Variants in NRXN3 observed in about 807,000 individuals in gnomAD.
NRXN3 encodes the protein neurexin III.
Under a neutral mutation model 137.6 loss-of-function variants are expected in NRXN3, and 32 were observed. The observed-to-expected ratio is 0.23, with a 90% CI of 0.18 to 0.31. NRXN3 has a LOEUF of 0.31. Ranked by LOEUF, NRXN3 falls within the 10% of genes least tolerant of loss-of-function variation. The pLI, the probability that NRXN3 is intolerant of heterozygous loss-of-function variation, is 1.00. For missense variants in NRXN3, 1,574 were observed against 2,062.5 expected (o/e 0.76, Z 4.59); for synonymous variants, 798 against 784.5 (o/e 1.02, Z -0.29).
chr14:79,604,981 G>A (rs891847191), intron 16 of NRXN3, among the ~76,000 whole-genome samples: 4 of 152,206 alleles, frequency 2.6e-5, no homozygotes, highest in African/African-American at 4.8e-5. Context: ...GCAGTGAGCC[G>A]AGATCAAGCC....
chr14:79,022,533 G>GA (rs933920220), intron 15 of NRXN3, among the ~76,000 whole-genome samples: 4 of 152,148 alleles, frequency 2.6e-5, no homozygotes, highest in Admixed American at 6.5e-5. Context: ...CACGAAGCCA[G>GA]AAAATCCATC....
chr14:78,712,379 A>C (rs1227357326), intron 7 of NRXN3, among the ~76,000 whole-genome samples: 2 of 152,212 alleles, frequency 1.3e-5, no homozygotes, highest in African/African-American at 4.8e-5. Flanking sequence ...GGTAGCCAGG[A>C]CATTATTGTT....
intron 9 of NRXN3, among the ~76,000 whole-genome samples, chr14:78,804,835 T>C (rs2098851502): frequency 6.6e-6 from 1 of 152,182 alleles, no homozygotes; most frequent in Admixed American, 6.5e-5. Context: ...TACCCAGCAT[T>C]GATAAGATTA....
chr14:79,473,148 T>C (rs1454902548), intron 16 of NRXN3, among the ~76,000 whole-genome samples: 8 of 152,088 alleles, frequency 5.3e-5, no homozygotes. Context: ...TACACGAGGA[T>C]GAGGGGCAGA....
chr14:79,216,735 TTG>T (rs1277534910), intron 15 of NRXN3, among the ~76,000 whole-genome samples: 2 of 152,214 alleles, frequency 1.3e-5, no homozygotes, highest in Non-Finnish European at 2.9e-5. Flanking sequence ...CTTTTTTCAT[TTG>T]TGTAGCTTAT....
At chr14:79,670,920 T>C (rs926465761) in intron 17 of NRXN3, among the ~76,000 whole-genome samples, 1 of 152,128 alleles carries the variant, frequency 6.6e-6, no homozygotes, top group Admixed American at 6.6e-5. Flanking sequence ...TCTTGCTTTC[T>C]CATCCTTCAT....
chr14:78,887,258 G>C (rs1470033137), intron 10 of NRXN3, among the ~76,000 whole-genome samples: 2 of 152,104 alleles, frequency 1.3e-5, no homozygotes, highest in African/African-American at 4.8e-5. Flanking sequence ...GACATGTTAG[G>C]AAAAGGCAGA....
At chr14:78,278,896 A>C (rs1318698132) in intron 3 of NRXN3, among the ~76,000 whole-genome samples, 1 of 152,248 alleles carries the variant, frequency 6.6e-6, no homozygotes, top group Non-Finnish European at 1.5e-5. Flanking sequence ...CTTCCTTCTC[A>C]TTAGTATTTC....
At chr14:79,308,417 C>A (rs1182089931) in intron 15 of NRXN3, among the ~76,000 whole-genome samples, 1 of 152,018 alleles carries the variant, frequency 6.6e-6, no homozygotes, top group African/African-American at 2.4e-5. Flanking sequence ...GGATGCTATA[C>A]CTGAAGGTCT....
chr14:79,380,323 ATC>A (rs2094434066), intron 15 of NRXN3, among the ~76,000 whole-genome samples: 1 of 151,672 alleles, frequency 6.6e-6, no homozygotes, highest in African/African-American at 2.4e-5. Flanking sequence ...CATTAGTTAT[ATC>A]TCCTAATGCT....
intron 16 of NRXN3, among the ~76,000 whole-genome samples, chr14:79,495,582 A>C (rs1000015761): frequency 2.6e-5 from 4 of 152,192 alleles, no homozygotes; most frequent in African/African-American, 9.7e-5. Flanking sequence ...TTGAGCGCTT[A>C]TTACATGTCA....
chr14:78,275,657 TC>T (rs563522252), intron 2 of NRXN3, among the ~76,000 whole-genome samples: 1 of 152,142 alleles, frequency 6.6e-6, no homozygotes, highest in Non-Finnish European at 1.5e-5. Context: ...TGGGCTTGGG[TC>T]ATAGGTCTGT....
At chr14:78,984,361 A>G (rs2099497521) in intron 14 of NRXN3, among the ~76,000 whole-genome samples, 1 of 152,198 alleles carries the variant, frequency 6.6e-6, no homozygotes, top group Non-Finnish European at 1.5e-5. Flanking sequence ...TTTCAATTTA[A>G]AAGAAATTAA....
At chr14:78,963,504 A>G (rs1055305523) in intron 11 of NRXN3, among the ~76,000 whole-genome samples, 10 of 152,168 alleles carry the variant, frequency 6.6e-5, no homozygotes, top group African/African-American at 2.4e-4. Flanking sequence ...GCTATAGCCA[A>G]TTTGACAGTA....
intron 4 of NRXN3, among the ~76,000 whole-genome samples, chr14:78,446,262 T>C (rs768475022): frequency 8.5e-5 from 13 of 152,186 alleles, no homozygotes; most frequent in Non-Finnish European, 1.9e-4. Flanking sequence ...CCCCAAATTT[T>C]ATTTTTATCT....
intron 4 of NRXN3, among the ~76,000 whole-genome samples, chr14:78,307,085 C>G (rs184953826): frequency 6.6e-6 from 1 of 152,094 alleles, no homozygotes; most frequent in East Asian, 1.9e-4. Flanking sequence ...AGAAAATGTG[C>G]TTTGTGTGTG....
intron 15 of NRXN3, among the ~76,000 whole-genome samples, chr14:79,440,580 G>A (rs891842429): frequency 3.3e-5 from 5 of 152,054 alleles, no homozygotes; most frequent in African/African-American, 1.2e-4. Context: ...TATATTTAGA[G>A]CAGTGGTGTC....
In NRXN3 at chr14:79,005,699, T is replaced by C. The variant is rs117086131; in HGVS notation, c.3262+17558T>C. 3.7e-3 allele frequency among the ~76,000 whole-genome samples: 564 copies of C among 152,330 alleles called. 31 individuals carry two copies. In the East Asian group the frequency reaches 0.099, roughly 27 times the overall value. ...TTTGGGCTTACCTTCCTTACCTTGT[T>C]CATCTAGATATGTTCAATGGGCCTT... On this transcript the variant is annotated intron_variant, in intron 15 of 20. Transcript: ENST00000335750.
At chr14:78,885,375 G>T (rs891883592) in intron 10 of NRXN3, among the ~76,000 whole-genome samples, 2 of 151,680 alleles carry the variant, frequency 1.3e-5, no homozygotes, top group African/African-American at 4.8e-5. Context: ...TTGTATAAGG[G>T]GAGTGTTGAT....
Sources: gnomAD v4.1 joint callset for allele counts (sites outside exome capture counted in the v4.1 genomes callset) on GRCh38, gnomAD v4.1.1 for gene constraint, MANE v1.5 for transcripts, NCBI Gene and HGNC (gene_info 2026-07-23, HGNC 2026-07-21) for gene names.